The following CFAP97 variants were observed in gnomAD, a reference collection of about 807,000 sequenced individuals.
The protein encoded by CFAP97 is cilia and flagella associated protein 97.
Under a neutral mutation model 43.1 loss-of-function variants are expected in CFAP97, and 36 were observed. The ratio of observed to expected loss-of-function variants is 0.84; its 90% CI spans 0.64 to 1.10. The LOEUF (loss-of-function observed/expected upper bound fraction) is 1.10. Ranked by LOEUF, CFAP97 falls within the 50% of genes least tolerant of loss-of-function variation. The pLI is 0.00. For synonymous variants in CFAP97, 228 were observed against 225.7 expected (o/e 1.01, Z -0.09); for missense variants, 657 against 620.3 (o/e 1.06, Z -0.63).
At chr4:185,194,916 A>G (rs1247748212) in intron 1 of CFAP97, among the ~76,000 whole-genome samples, 1 of 152,192 alleles carries the variant, frequency 6.6e-6, no homozygotes, top group Non-Finnish European at 1.5e-5. Flanking sequence ...ATAAGTGATG[A>G]GTGGGAGTCT....
At chr4:185,196,238 CCGA>C (rs1017395424) in intron 1 of CFAP97, among the ~76,000 whole-genome samples, 8 of 152,020 alleles carry the variant, frequency 5.3e-5, no homozygotes, top group African/African-American at 1.9e-4. Context: ...CTTTGGGAGG[CCGA>C]GGTGGGCAGA....
In CFAP97 at chr4:185,164,087, G is replaced by C. The variant is rs1274044295; in HGVS notation, c.1413C>G (p.Leu471=). ...LMDYHRNMGY[L]NSSPLSRRAR... is the part of the protein sequence containing the mutation. ...CCCGTCTTGACAATGGTGATGAGTTGAGATAGCCCATATTGCGATGATAGT... is the reference window on the plus strand; with the variant it reads ...CCCGTCTTGACAATGGTGATGAGTTCAGATAGCCCATATTGCGATGATAGT... Residue 471 remains leucine, a synonymous_variant, in exon 4 of 5, where the codon CTC becomes CTG. Coordinates refer to ENST00000458385, the MANE Select transcript of CFAP97 (RefSeq NM_020827.3). 3 of 1,613,976 alleles carry C rather than the reference G, an allele frequency of 1.9e-6. No homozygotes were observed. The highest frequency in any genetic ancestry group is 1.1e-5 in the South Asian group (1 of 91,082).
chr4:185,168,643 C>G (rs1202876047), intron 3 of CFAP97, among the ~76,000 whole-genome samples: 1 of 150,748 alleles, frequency 6.6e-6, no homozygotes, highest in African/African-American at 2.4e-5. Flanking sequence ...GCCTGTAATC[C>G]CAGCACTTTG....
chr4:185,184,652 C>G (rs1465202981), intron 2 of CFAP97, among the ~76,000 whole-genome samples: 1 of 152,084 alleles, frequency 6.6e-6, no homozygotes, highest in Non-Finnish European at 1.5e-5. Flanking sequence ...CTCAATCAAC[C>G]CTGAAGTCTA....
At chr4:185,207,177 A>AGTCAAATT, upstream of CFAP97, among the ~76,000 whole-genome samples, 1 of 149,044 alleles carries the variant, frequency 6.7e-6, no homozygotes, top group East Asian at 2.0e-4. Flanking sequence ...ATCCCAATCC[A>AGTCAAATT]GTCAAATTGA....
At chr4:185,186,173 C>G (rs770004188) in intron 2 of CFAP97, among the ~76,000 whole-genome samples, 1 of 152,142 alleles carries the variant, frequency 6.6e-6, no homozygotes, top group Non-Finnish European at 1.5e-5. Context: ...TGGTACACAC[C>G]TGTAATCCCA....
intron 2 of CFAP97, among the ~76,000 whole-genome samples, chr4:185,187,125 G>A (rs1270167859): frequency 6.6e-6 from 1 of 152,186 alleles, no homozygotes; most frequent in Non-Finnish European, 1.5e-5. Context: ...TTACCCAGGG[G>A]AGAATATTAA....
At chr4:185,180,292 C>T (rs187618837) in intron 2 of CFAP97, among the ~76,000 whole-genome samples, 193 of 152,174 alleles carry the variant, frequency 1.3e-3, no homozygotes, top group Middle Eastern at 3.4e-3. Flanking sequence ...AAATTTACCA[C>T]GTTAACCATT....
At chr4:185,187,713 A>G (rs1255519389) in intron 2 of CFAP97, among the ~76,000 whole-genome samples, 8 of 151,402 alleles carry the variant, frequency 5.3e-5, no homozygotes, top group Admixed American at 6.6e-5. Context: ...TATCCATACA[A>G]CGTACAGCAA....
upstream of CFAP97, chr4:185,210,051 G>A: frequency 3.0e-6 from 3 of 983,788 alleles, no homozygotes; most frequent in Non-Finnish European, 3.6e-6. The surrounding 1 kb of genome is among the most constrained non-coding windows in gnomAD (Gnocchi z 4.4). Context: ...CCTTCCTGGG[G>A]CCCGGCAGCG....
chr4:185,174,475 T>C (rs1735436917), intron 3 of CFAP97, among the ~76,000 whole-genome samples: 1 of 152,176 alleles, frequency 6.6e-6, no homozygotes, highest in South Asian at 2.1e-4. Flanking sequence ...GGGGTTAGTA[T>C]GATAATAAAG....
intron 2 of CFAP97, among the ~76,000 whole-genome samples, chr4:185,177,551 T>C (rs1735601713): frequency 6.6e-6 from 1 of 152,122 alleles, no homozygotes; most frequent in South Asian, 2.1e-4. Flanking sequence ...AAAATAAGTA[T>C]GGGCCAGGCA....
intron 1 of CFAP97, among the ~76,000 whole-genome samples, chr4:185,197,110 A>AC (rs1736588418): frequency 6.6e-6 from 1 of 151,214 alleles, no homozygotes; most frequent in Non-Finnish European, 1.5e-5. Flanking sequence ...ATTAAAAAAA[A>AC]AAAAAAAAAA....
chr4:185,162,707 G>T lies in CFAP97; in HGVS notation c.*91C>A. 1.5e-6 allele frequency: 2 copies of T among 1,351,896 alleles called. No homozygotes were observed. Among genetic ancestry groups the T allele is most frequent in the African/African-American group, 1.4e-5 (1 of 69,172 alleles). The allele number at this position is 1,351,896 out of a possible 1,614,324, so 83.7% of individuals were successfully genotyped here. On this transcript the variant is annotated 3_prime_UTR_variant, in exon 5 of 5. Transcript: ENST00000458385. ...TTGTACACCTTCAATTGCTAAAACG[G>T]TATTCTAGATGTTTACACAGAGAAT...
chr4:185,164,284 T>A (rs574898501), intron 3 of CFAP97, 105 bp from the exon 4 acceptor site: 4 of 1,159,564 alleles, frequency 3.4e-6, no homozygotes, highest in African/African-American at 1.6e-5. Context: ...TTTTTTTTTT[T>A]AAGAGACAAG....
intron 1 of CFAP97, among the ~76,000 whole-genome samples, chr4:185,195,728 G>T (rs1278826976): frequency 6.6e-6 from 1 of 152,154 alleles, no homozygotes; most frequent in African/African-American, 2.4e-5. Flanking sequence ...CAAACGTAAA[G>T]ACTATGGCTG....
rs1194042681 is a variant in CFAP97 at position 185,197,815 on chromosome 4, A to G, written c.-17+6083T>C. On this transcript the variant is annotated intron_variant, in intron 1 of 4. Coordinates refer to ENST00000458385, the MANE Select transcript of CFAP97 (RefSeq NM_020827.3). Reference sequence around the variant, plus strand: ...TCAAAAGCTAGAAATGATTAAGCTTAGTGAGGAAGGTATGCTGAAAGTCCA... The same window carrying G: ...TCAAAAGCTAGAAATGATTAAGCTTGGTGAGGAAGGTATGCTGAAAGTCCA... 3.3e-5 allele frequency among the ~76,000 whole-genome samples: 5 copies of G among 152,360 alleles called. No homozygotes were observed. In the East Asian group the frequency reaches 9.6e-4, roughly 29 times the overall value.
In CFAP97 at chr4:185,196,653, T is replaced by A. The variant is rs148986882; in HGVS notation, c.-16-5441A>T. ...GAGATAAAAAGCTTTCATCAAAAGG[T>A]AATGTACTATGATACATAAAGATGG... On this transcript the variant is annotated intron_variant, in intron 1 of 4. Transcript: ENST00000458385. 3.2e-4 allele frequency among the ~76,000 whole-genome samples: 48 copies of A among 152,210 alleles called. 2 individuals are homozygous for A. Among genetic ancestry groups the A allele is most frequent in the Non-Finnish European group, 4.4e-5 (3 of 67,994 alleles).
At chr4:185,185,262 G>A (rs934430226) in intron 2 of CFAP97, among the ~76,000 whole-genome samples, 6 of 151,928 alleles carry the variant, frequency 3.9e-5, no homozygotes, top group African/African-American at 1.4e-4. Context: ...TAAGAATTAT[G>A]AACGAAGAGC....
Sources: gnomAD v4.1 joint callset for allele counts (sites outside exome capture counted in the v4.1 genomes callset) on GRCh38, gnomAD v4.1.1 for gene constraint, Gnocchi (gnomAD v3.1) non-coding constraint, MANE v1.5 for transcripts, NCBI Gene and HGNC (gene_info 2026-07-23, HGNC 2026-07-21) for gene names.